The following ATP1B1 variants were observed in gnomAD, a reference collection of about 807,000 sequenced individuals.
The protein encoded by ATP1B1 is ATPase Na+/K+ transporting subunit beta 1, also known as sodium/potassium-transporting ATPase subunit beta-1.
A neutral mutation model predicts 39.6 loss-of-function variants in ATP1B1; 3 were observed. That is an observed-to-expected ratio of 0.08 (90% CI 0.03 to 0.20). ATP1B1 has a LOEUF of 0.20. ATP1B1 is among the 10% of genes least tolerant of loss of function. The pLI is 1.00. For missense variants in ATP1B1, 216 were observed against 371.1 expected, an observed-to-expected ratio of 0.58 and a Z score of 3.43; for synonymous variants, 139 against 135.0, an observed-to-expected ratio of 1.03 and a Z score of -0.20.
At chr1:169,113,957 C>T (rs543939156) in intron 2 of ATP1B1, among the ~76,000 whole-genome samples, 21 of 152,256 alleles carry the variant, frequency 1.4e-4, no homozygotes, top group African/African-American at 4.6e-4. Context: ...CTGCCTTACC[C>T]TGTGGGGTTT....
intron 4 of ATP1B1, among the ~76,000 whole-genome samples, chr1:169,127,868 C>T (rs868068655): frequency 6.6e-6 from 1 of 151,976 alleles, no homozygotes. Flanking sequence ...CTGGAAGCCA[C>T]AGGAACATTT....
chr1:169,112,160 T>G (rs1571219783), intron 2 of ATP1B1, among the ~76,000 whole-genome samples: 1 of 152,374 alleles, frequency 6.6e-6, no homozygotes, highest in East Asian at 1.9e-4. Flanking sequence ...TGTAGTTTAA[T>G]TAACTGTCTC....
At chr1:169,115,296 A>G (rs1657818776) in intron 2 of ATP1B1, among the ~76,000 whole-genome samples, 1 of 151,634 alleles carries the variant, frequency 6.6e-6, no homozygotes, top group Admixed American at 6.6e-5. Flanking sequence ...GGCAAAACCA[A>G]TGGTATTAAG....
intron 2 of ATP1B1, among the ~76,000 whole-genome samples, chr1:169,116,215 C>T (rs1246183528): frequency 6.6e-6 from 1 of 152,204 alleles, no homozygotes; most frequent in African/African-American, 2.4e-5. Context: ...CCGCCATTGC[C>T]CTTCCCCCAC....
chr1:169,116,779 A>C (rs1657856162), intron 2 of ATP1B1, among the ~76,000 whole-genome samples: 1 of 152,032 alleles, frequency 6.6e-6, no homozygotes, highest in African/African-American at 2.4e-5. Context: ...TGAACCCGGA[A>C]GGCAGACGTT....
At chr1:169,118,577 C>CA (rs969545480) in intron 2 of ATP1B1, among the ~76,000 whole-genome samples, 9 of 151,990 alleles carry the variant, frequency 5.9e-5, no homozygotes, top group Admixed American at 4.6e-4. Context: ...AATAAACAAA[C>CA]AAAATCCAGA....
intron 2 of ATP1B1, among the ~76,000 whole-genome samples, chr1:169,123,121 C>G (rs1358681598): frequency 6.6e-6 from 1 of 152,172 alleles, no homozygotes; most frequent in Non-Finnish European, 1.5e-5. Flanking sequence ...GCCTGCTTCT[C>G]AAGCCCTACA....
At chr1:169,107,038 C>T in intron 1 of ATP1B1, 112 bp downstream of exon 1, 4 of 1,045,990 alleles carry the variant, frequency 3.8e-6, no homozygotes, top group Non-Finnish European at 5.4e-6. Context: ...GCCGGGGTGG[C>T]GGGGGCGAGG....
At chr1:169,119,268 T>C (rs1657920548) in intron 2 of ATP1B1, among the ~76,000 whole-genome samples, 1 of 151,944 alleles carries the variant, frequency 6.6e-6, no homozygotes, top group Non-Finnish European at 1.5e-5. Context: ...TTATGATTTC[T>C]GCCTCTTCAA....
intron 2 of ATP1B1, among the ~76,000 whole-genome samples, chr1:169,121,975 T>C (rs1159238229): frequency 1.3e-5 from 2 of 150,612 alleles, no homozygotes; most frequent in African/African-American, 2.4e-5. Flanking sequence ...TGACATTTGC[T>C]CTCCTTCACT....
chr1:169,114,964 C>G (rs1463643977), intron 2 of ATP1B1, among the ~76,000 whole-genome samples: 3 of 151,880 alleles, frequency 2.0e-5, no homozygotes, highest in African/African-American at 7.3e-5. Flanking sequence ...GCAGGCGGAT[C>G]ATGAGGTCAG....
intron 2 of ATP1B1, among the ~76,000 whole-genome samples, chr1:169,115,215 T>C (rs1023849667): frequency 1.8e-4 from 21 of 115,638 alleles, no homozygotes; most frequent in Non-Finnish European, 3.7e-4. Flanking sequence ...AAAAGGGGGG[T>C]GGGGAATCAT....
intron 2 of ATP1B1, among the ~76,000 whole-genome samples, chr1:169,120,001 CTT>C (rs1208149511): frequency 2.0e-5 from 3 of 151,872 alleles, no homozygotes; most frequent in Non-Finnish European, 4.4e-5. Flanking sequence ...TTTTTCTAAT[CTT>C]TGGAGAAGAC....
In ATP1B1 at chr1:169,131,140, C is replaced by T. The variant is rs2101796026; in HGVS notation, c.649-152C>T. On this transcript the variant is annotated intron_variant, in intron 5 of 5. Coordinates refer to ENST00000367815, the MANE Select transcript of ATP1B1 (RefSeq NM_001677.4). This position sits in a 1 kb window ranked among gnomAD's most constrained non-coding sequence, Gnocchi z 4.4. The stretch of plus-strand genomic sequence containing the variant: ...ATTGAGAATAGTCTCTTCTTATGAC[C>T]ATTTCTCAAGGCTGCAATGGAATAG... 2 of 1,023,070 alleles carry T rather than the reference C, an allele frequency of 2.0e-6. No homozygotes were observed. Among genetic ancestry groups the T allele is most frequent in the South Asian group, 1.6e-5 (1 of 61,574 alleles). The allele number at this position is 1,023,070 out of a possible 1,614,324, so 63.4% of individuals were successfully genotyped here.
chr1:169,110,526 A>G (rs1377040440), intron 1 of ATP1B1: 1 of 710,446 alleles, frequency 1.4e-6, no homozygotes, highest in African/African-American at 1.9e-5. Context: ...CTTGTAAACC[A>G]GTAACTGATA....
rs1657599516 is a variant in ATP1B1 at position 169,106,758 on chromosome 1, G to A, written c.-72G>A. On this transcript the variant is annotated 5_prime_UTR_variant, in exon 1 of 6. Transcript: ENST00000367815. ...AGCCAGGCCGGAGAAGCCGAGCGGCGCAGAGGACGCCAGGGCGCGCGCCGC... is the reference window on the plus strand; with the variant it reads ...AGCCAGGCCGGAGAAGCCGAGCGGCACAGAGGACGCCAGGGCGCGCGCCGC... 4.6e-6 allele frequency: 6 copies of A among 1,290,448 alleles called. No individual in the cohort carries two copies. Among genetic ancestry groups the A allele is most frequent in the East Asian group, 2.9e-5 (1 of 34,378 alleles). 79.9% of individuals were successfully genotyped at this position (1,290,448 alleles called of 1,614,324 possible). A position where few individuals can be genotyped will look rare whatever the true frequency, so the allele number is the denominator to read the frequency against.
intron 2 of ATP1B1, among the ~76,000 whole-genome samples, chr1:169,117,769 C>T (rs1657882967): frequency 6.6e-6 from 1 of 152,208 alleles, no homozygotes; most frequent in Admixed American, 6.5e-5. Flanking sequence ...TGATGACCAG[C>T]TGGTCTGTCG....
At chr1:169,130,613 CCT>C (rs1402132359) in intron 5 of ATP1B1, among the ~76,000 whole-genome samples, 1 of 151,662 alleles carries the variant, frequency 6.6e-6, no homozygotes, top group Non-Finnish European at 1.5e-5. Context: ...ATGGTGAAAC[CCT>C]GTCTCTACTA....
intron 2 of ATP1B1, among the ~76,000 whole-genome samples, chr1:169,118,219 A>C (rs1657893045): frequency 6.6e-6 from 1 of 152,240 alleles, no homozygotes; most frequent in Non-Finnish European, 1.5e-5. Flanking sequence ...GACGGATCAG[A>C]GAAGAGCCTA....
Sources: allele counts gnomAD v4.1 joint callset (sites outside exome capture counted in the v4.1 genomes callset), GRCh38; gene constraint gnomAD v4.1.1; non-coding constraint Gnocchi (gnomAD v3.1); transcripts MANE v1.5; gene names NCBI Gene and HGNC (gene_info 2026-07-23, HGNC 2026-07-21).